Variants in NLGN4X observed in about 807,000 individuals in gnomAD.
NLGN4X encodes neuroligin 4 X-linked.
In NLGN4X, 3 loss-of-function variants were observed where a neutral mutation model predicts 40.3. That is an observed-to-expected ratio of 0.07 (90% CI 0.03 to 0.19). NLGN4X has a LOEUF of 0.19. Ranked by LOEUF, NLGN4X falls within the 10% of genes least tolerant of loss-of-function variation. NLGN4X has a pLI of 1.00. For missense variants in NLGN4X, 382 were observed against 708.3 expected (o/e 0.54, Z 5.23); for synonymous variants, 270 against 306.8 (o/e 0.88, Z 1.25).
At chrX:5,921,053 C>G (rs942742021) in intron 3 of NLGN4X, among the ~76,000 whole-genome samples, 3 of 108,058 alleles carry the variant, frequency 2.8e-5, no homozygotes, top group African/African-American at 1.0e-4. Context: ...ACAACATCTT[C>G]ATTGCTGAAG....
chrX:6,215,095 T>C (rs1195029354), intron 1 of NLGN4X, among the ~76,000 whole-genome samples: 2 of 112,526 alleles, frequency 1.8e-5, no homozygotes, highest in South Asian at 3.6e-4. Context: ...TGCTGCATAA[T>C]AAAGAAAAGT....
intron 1 of NLGN4X, among the ~76,000 whole-genome samples, chrX:6,219,093 G>A (rs960210589): frequency 6.1e-4 from 31 of 50,932 alleles, no homozygotes; most frequent in Admixed American, 9.6e-4. Context: ...TTGTTCTTTT[G>A]TATGAAAAGT....
intron 1 of NLGN4X, among the ~76,000 whole-genome samples, chrX:6,228,121 C>T (rs936982138): frequency 1.2e-4 from 13 of 111,745 alleles, no homozygotes; most frequent in Non-Finnish European, 1.7e-4. Context: ...CTCCCCGCCA[C>T]AGTCTTCTGT....
intron 2 of NLGN4X, among the ~76,000 whole-genome samples, chrX:6,050,911 A>G (rs1228300345): frequency 1.8e-5 from 2 of 111,678 alleles, no homozygotes; most frequent in Non-Finnish European, 3.8e-5. Context: ...CTAGCCCAAG[A>G]TGATCTGAAT....
intron 3 of NLGN4X, among the ~76,000 whole-genome samples, chrX:5,987,492 T>C (rs1602011666): frequency 8.9e-6 from 1 of 112,798 alleles, no homozygotes; most frequent in South Asian, 3.6e-4. Context: ...GCATTGATAA[T>C]ATAAGATAAC....
At chrX:6,074,493 T>G (rs2038146022) in intron 2 of NLGN4X, among the ~76,000 whole-genome samples, 1 of 111,841 alleles carries the variant, frequency 8.9e-6, no homozygotes, top group African/African-American at 3.3e-5. Flanking sequence ...ATTGTTGCCA[T>G]GTTCTTCATC....
intron 2 of NLGN4X, among the ~76,000 whole-genome samples, chrX:6,083,780 T>C (rs1449438178): frequency 8.9e-6 from 1 of 112,111 alleles, no homozygotes; most frequent in African/African-American, 3.2e-5. Context: ...CAGAGAGGAA[T>C]AGGTTTTAGA....
chrX:6,054,864 G>T (rs1456105361), intron 2 of NLGN4X, among the ~76,000 whole-genome samples: 1 of 111,411 alleles, frequency 9.0e-6, no homozygotes, highest in African/African-American at 3.3e-5. Flanking sequence ...CACCATGTTG[G>T]TCAGGCTAGT....
At position 5,903,598 on chromosome X, in the gene NLGN4X, G is replaced by A. The variant is rs1159787783; in HGVS notation, c.1080C>T (p.Gly360=). 2 of 1,211,376 alleles carry A rather than the reference G, an allele frequency of 1.7e-6. No individual in the cohort carries two copies. Among genetic ancestry groups the A allele is most frequent in the Middle Eastern group, 2.3e-4 (1 of 4,355 alleles). The change falls in exon 5 of 6, where the codon GGC becomes GGT. Residue 360 remains glycine (G), a synonymous_variant. Coordinates refer to ENST00000381095, the MANE Select transcript of NLGN4X (RefSeq NM_181332.3). ...GCATGATGTCGTAGTTGAGGAACTC[G>A]CCTTGCTCCATCAGGATCTGGGGGT... ...PDDPQILMEQ[G]EFLNYDIMLG...
At chrX:5,984,508 C>T (rs968137087) in intron 3 of NLGN4X, among the ~76,000 whole-genome samples, 2 of 111,147 alleles carry the variant, frequency 1.8e-5, no homozygotes, top group South Asian at 3.7e-4. Context: ...GAAGAAACCA[C>T]GATTGCAAAT....
At chrX:6,082,415 C>A (rs899129827) in intron 2 of NLGN4X, among the ~76,000 whole-genome samples, 5 of 109,634 alleles carry the variant, frequency 4.6e-5, no homozygotes, top group Admixed American at 9.8e-5. Flanking sequence ...GTGGTATGCA[C>A]CTGTAGTCCC....
chrX:5,969,047 T>G (rs1252746269), intron 3 of NLGN4X, among the ~76,000 whole-genome samples: 1 of 111,535 alleles, frequency 9.0e-6, no homozygotes, highest in Non-Finnish European at 1.9e-5. Context: ...GACTTAAATG[T>G]TAGACCTAAA....
chrX:6,026,578 C>T (rs1187813282), intron 3 of NLGN4X, among the ~76,000 whole-genome samples: 1 of 111,864 alleles, frequency 8.9e-6, no homozygotes, highest in Non-Finnish European at 1.9e-5. Context: ...TAAAAACCAA[C>T]GCAGTCACAT....
chrX:6,134,019 G>C (rs1048140393), intron 2 of NLGN4X, among the ~76,000 whole-genome samples: 68 of 111,333 alleles, frequency 6.1e-4, no homozygotes, highest in African/African-American at 2.2e-3. Flanking sequence ...ACAGCAGTGT[G>C]ATAGATTTAG....
At chrX:6,122,121 T>C (rs143921096) in intron 2 of NLGN4X, among the ~76,000 whole-genome samples, 123 of 112,355 alleles carry the variant, frequency 1.1e-3, no homozygotes, top group African/African-American at 3.9e-3. Context: ...GAGGAAAGAA[T>C]ATAAAGTTCT....
At chrX:6,210,048 C>CT (rs367892295) in intron 1 of NLGN4X, among the ~76,000 whole-genome samples, 4 of 110,881 alleles carry the variant, frequency 3.6e-5, no homozygotes, top group African/African-American at 1.3e-4. Context: ...GAAACGCGGT[C>CT]TCATTATGTT....
chrX:5,952,709 C>A (rs1041631414), intron 3 of NLGN4X, among the ~76,000 whole-genome samples: 4 of 110,851 alleles, frequency 3.6e-5, no homozygotes, highest in Non-Finnish European at 7.6e-5. Flanking sequence ...TGGGAGCTGG[C>A]AAGTCTGGAA....
chrX:5,940,064 A>G (rs1003498053), intron 3 of NLGN4X, among the ~76,000 whole-genome samples: 1 of 111,240 alleles, frequency 9.0e-6, no homozygotes, highest in Admixed American at 9.6e-5. Context: ...CTGCAAGGCT[A>G]CTGAGATCAC....
chrX:5,935,043 C>T (rs1300325430), intron 3 of NLGN4X, among the ~76,000 whole-genome samples: 2 of 111,595 alleles, frequency 1.8e-5, no homozygotes, highest in African/African-American at 6.5e-5. Context: ...TACTATTAGT[C>T]GATGCTAAAA....
Sources: gnomAD v4.1 joint callset for allele counts (sites outside exome capture counted in the v4.1 genomes callset) on GRCh38, gnomAD v4.1.1 for gene constraint, MANE v1.5 for transcripts, NCBI Gene and HGNC (gene_info 2026-07-23, HGNC 2026-07-21) for gene names.